Variants in CBR4 observed in about 807,000 individuals in gnomAD.
CBR4 encodes 3-oxoacyl-[acyl-carrier-protein] reductase.
In CBR4, 22 loss-of-function variants were observed where a neutral mutation model predicts 21.0. That is an observed-to-expected ratio of 1.05 (90% CI 0.75 to 1.50). CBR4 has a LOEUF of 1.50. Among genes scored for constraint, CBR4 ranks in the 40% most tolerant of loss-of-function variants. CBR4 has a pLI of 0.00. For missense variants in CBR4, 302 were observed against 286.3 expected, an observed-to-expected ratio of 1.05 and a Z score of -0.40; for synonymous variants, 100 against 104.4, an observed-to-expected ratio of 0.96 and a Z score of 0.26.
At chr4:168,916,128 G>C in intron 2 of CBR4, 1 of 1,184,804 alleles carries the variant, frequency 8.4e-7, no homozygotes, top group Non-Finnish European at 1.2e-6. Flanking sequence ...AGTATAAAAT[G>C]AGAGCTGGGC....
chr4:168,900,240 C>A (rs1428226378), intron 2 of CBR4, among the ~76,000 whole-genome samples: 1 of 152,220 alleles, frequency 6.6e-6, no homozygotes. Flanking sequence ...ACCTCCAACA[C>A]TGGGAGTCCC....
At chr4:168,934,809 G>A (rs750059785) in intron 2 of CBR4, among the ~76,000 whole-genome samples, 5 of 151,954 alleles carry the variant, frequency 3.3e-5, no homozygotes, top group Non-Finnish European at 7.4e-5. Flanking sequence ...TGAAGAGAAG[G>A]GAATTCTTCC....
At chr4:168,926,603 T>C in intron 2 of CBR4, 1 of 460,702 alleles carries the variant, frequency 2.2e-6, no homozygotes, top group Non-Finnish European at 3.9e-6. Flanking sequence ...ACACATTTAC[T>C]GTCCAATTTA....
At chr4:168,903,063 C>T (rs1417468473) in intron 2 of CBR4, among the ~76,000 whole-genome samples, 2 of 152,128 alleles carry the variant, frequency 1.3e-5, no homozygotes, top group Admixed American at 1.3e-4. Flanking sequence ...GTACCTGGCC[C>T]ACATTTAATT....
chr4:168,940,365 A>G (rs1005617660), intron 2 of CBR4, among the ~76,000 whole-genome samples: 2 of 152,246 alleles, frequency 1.3e-5, no homozygotes, highest in African/African-American at 2.4e-5. Flanking sequence ...AATACCATTC[A>G]GGACACAGGC....
intron 2 of CBR4, among the ~76,000 whole-genome samples, chr4:168,948,030 CCAACACCTACT>C (rs1763441195): frequency 6.6e-6 from 1 of 152,110 alleles, no homozygotes; most frequent in South Asian, 2.1e-4. Context: ...CGCAGCCATG[CCAACACCTACT>C]GTTTTTTGAT....
rs76750479 is a variant in CBR4, at chr4:168,933,755, A to G, written n.170-38990T>C. On this transcript the variant is annotated intron_variant and non_coding_transcript_variant, in intron 2 of 3. Coordinates refer to the CBR4 transcript ENST00000509108. ...TGGAACATTCTACAGGATTGACCATATATTAGGACACAAACCAAGCTCAAA... is the reference window on the plus strand; with the variant it reads ...TGGAACATTCTACAGGATTGACCATGTATTAGGACACAAACCAAGCTCAAA... Among the ~76,000 whole-genome samples the G allele has an allele frequency of 9.5e-4, 144 of 152,316 alleles. 3 individuals carry two copies. The East Asian group carries it at 0.026, about 27-fold the overall frequency.
chr4:168,917,707 AG>A (rs1229237113), intron 2 of CBR4, among the ~76,000 whole-genome samples: 1 of 152,100 alleles, frequency 6.6e-6, no homozygotes, highest in Non-Finnish European at 1.5e-5. Flanking sequence ...ATGTATAAAA[AG>A]AATAAATATA....
At position 169,002,174 on chromosome 4, in the gene CBR4, G is replaced by A; in HGVS notation, c.432C>T (p.Gly144=). ...GSIVGLKGNS[G]QSVYSASKGG... ...CTTTACTGGCACTGTAAACGGACTG[G>A]CCAGAGTTGCCTTTTAAGCCAACAA... The change falls in exon 4 of 5, where the codon GGC becomes GGT. Residue 144 remains glycine (G), a synonymous_variant. Transcript: ENST00000306193. 2.0e-6 allele frequency: 3 copies of A among 1,502,182 alleles called. No individual in the cohort carries two copies. The highest frequency in any genetic ancestry group is 1.5e-5 in the African/African-American group (1 of 65,522). 93.1% of individuals were successfully genotyped at this position (1,502,182 alleles called of 1,614,324 possible).
chr4:168,902,909 C>T (rs546986297), intron 2 of CBR4, among the ~76,000 whole-genome samples: 1 of 152,182 alleles, frequency 6.6e-6, no homozygotes, highest in African/African-American at 2.4e-5. Context: ...ATAGCTAGGG[C>T]TATAGACATG....
At chr4:168,897,842 A>G (rs1442060536) in intron 2 of CBR4, 1 of 151,568 alleles carries the variant, frequency 6.6e-6, no homozygotes, top group Admixed American at 6.6e-5. Flanking sequence ...TTAAAGCAAA[A>G]TTTTGGCTAG....
At position 168,963,656 on chromosome 4, in the gene CBR4, G is replaced by C. The variant is rs151058389; in HGVS notation, n.169+38415C>G. ...CAGCTATTTTTGTATTTTTAGGAGA[G>C]ACAGGGTTTCACCATGTTGGCCAGG... On this transcript the variant is annotated intron_variant and non_coding_transcript_variant, in intron 2 of 3. Transcript: ENST00000509108. Among the ~76,000 whole-genome samples the C allele has an allele frequency of 5.4e-3, 826 of 151,998 alleles. 6 individuals carry two copies. The highest frequency in any genetic ancestry group is 0.019 in the African/African-American group (774 of 41,470).
At chr4:168,921,765 C>T in intron 2 of CBR4, 1 of 1,552,692 alleles carries the variant, frequency 6.4e-7, no homozygotes, top group Non-Finnish European at 8.9e-7. Flanking sequence ...TGAATCCTTG[C>T]TCTCTGACAG....
intron 2 of CBR4, among the ~76,000 whole-genome samples, chr4:168,932,434 C>T (rs925007550): frequency 1.3e-5 from 2 of 151,560 alleles, no homozygotes; most frequent in African/African-American, 4.8e-5. Context: ...ATGTATGGGA[C>T]ACTGTTAAGT....
intron 2 of CBR4, chr4:168,926,298 A>T (rs1560940673): frequency 6.5e-7 from 1 of 1,537,296 alleles, no homozygotes; most frequent in Non-Finnish European, 8.7e-7. Flanking sequence ...CGGACCAGGG[A>T]CTAGACATCA....
Position 169,002,076 on chromosome 4 carries a change from G to A in CBR4, c.530C>T (p.Ala177Val), listed in dbSNP as rs143505443. The change falls in exon 4 of 5, where the codon GCA (alanine) becomes GTA (valine). Residue 177 changes from alanine to valine, a missense_variant. Physicochemically the swap from Ala to Val is moderately conservative, Grantham distance 64. Coordinates refer to ENST00000306193, the MANE Select transcript of CBR4 (RefSeq NM_032783.5). The stretch of plus-strand genomic sequence containing the variant: ...TTAATAAAGTTTTCACTAACCTGGT[G>A]CAACTACATTCACTCTAATTTTCTT... The part of the protein sequence containing the change: ...ARKKIRVNVV[A>V]PGFVHTDMTK... The A allele has an allele frequency of 6.5e-5, 102 of 1,574,684 alleles. No homozygotes were observed. Among genetic ancestry groups the A allele is most frequent in the Non-Finnish European group, 8.1e-5 (94 of 1,164,978 alleles).
At chr4:168,919,271 C>T (rs761529665) in intron 2 of CBR4, among the ~76,000 whole-genome samples, 59 of 152,206 alleles carry the variant, frequency 3.9e-4, no homozygotes, top group Middle Eastern at 6.8e-3. Context: ...CGCCTGTAAT[C>T]CTAAAACTTT....
chr4:168,998,498 A>G (rs1765311133), intron 4 of CBR4, among the ~76,000 whole-genome samples: 1 of 152,200 alleles, frequency 6.6e-6, no homozygotes, highest in South Asian at 2.1e-4. Flanking sequence ...TAGATACAGA[A>G]AGTAGTTTAG....
chr4:168,978,390 A>G (rs571673395), intron 2 of CBR4, among the ~76,000 whole-genome samples: 1 of 152,334 alleles, frequency 6.6e-6, no homozygotes, highest in Admixed American at 6.5e-5. Flanking sequence ...AGTGGCCAGT[A>G]AACACTAGCT....
Sources: allele counts gnomAD v4.1 joint callset (sites outside exome capture counted in the v4.1 genomes callset), GRCh38; gene constraint gnomAD v4.1.1; transcripts MANE v1.5; gene names NCBI Gene and HGNC (gene_info 2026-07-23, HGNC 2026-07-21).